Variants in LCP2 observed in about 807,000 individuals in gnomAD.
The protein encoded by LCP2 is 76 kDa tyrosine phosphoprotein.
Under a neutral mutation model 74.5 loss-of-function variants are expected in LCP2, and 29 were observed. That is an observed-to-expected ratio of 0.39 (90% CI 0.29 to 0.53). LCP2 has a LOEUF of 0.53. Among genes scored for constraint, LCP2 ranks in the 20% least tolerant of loss-of-function variants. The pLI is 0.72. For missense variants in LCP2, 604 were observed against 634.6 expected, an observed-to-expected ratio of 0.95 and a Z score of 0.52; for synonymous variants, 228 against 229.5, an observed-to-expected ratio of 0.99 and a Z score of 0.06.
rs1157836333 is a variant in LCP2, at chr5:170,256,268, G to GCA, written c.1150+257_1150+258insTG. 6.6e-6 allele frequency among the ~76,000 whole-genome samples: 1 copy of GCA among 152,068 alleles called. No homozygotes were observed. The highest frequency in any genetic ancestry group is 2.4e-5 in the African/African-American group (1 of 41,392). ...TATATGTGTACATGTGTATGCATGT[G>GCA]TGTGTGTGCATGTATATGTGCATGT... is the stretch of plus-strand genomic sequence containing the variant. On this transcript the variant is annotated intron_variant, in intron 17 of 20. Transcript: ENST00000046794. The surrounding 1 kb of genome is among the most constrained non-coding windows in gnomAD (Gnocchi z 4.5).
At chr5:170,287,689 C>T (rs1440457825) in intron 3 of LCP2, 1 of 484,070 alleles carries the variant, frequency 2.1e-6, no homozygotes, top group African/African-American at 1.9e-5. Context: ...TTTCACAGGC[C>T]CAAGCACCCC....
At position 170,247,186 on chromosome 5, in the gene LCP2, T is replaced by A. The variant is rs1761317848; in HGVS notation, c.*1511A>T. The A allele has an allele frequency of 6.6e-6, 1 of 152,188 alleles. No individual in the cohort carries two copies. Among genetic ancestry groups the A allele is most frequent in the Non-Finnish European group, 1.5e-5 (1 of 68,032 alleles). The allele number at this position is 152,188 out of a possible 1,614,324, so 9.4% of individuals were successfully genotyped here. On this transcript the variant is annotated 3_prime_UTR_variant, in exon 21 of 21. Transcript: ENST00000046794. ...TAACACAGAAGAGCCACTAAGTAAA[T>A]ACTTGCTGAATAGCCCGTTGTGTAG...
chr5:170,287,422 C>CAT, intron 3 of LCP2, among the ~76,000 whole-genome samples: 1 of 152,330 alleles, frequency 6.6e-6, no homozygotes, highest in African/African-American at 2.4e-5. Flanking sequence ...CATGGCATGA[C>CAT]ATGCATACTG....
intron 5 of LCP2, 61 bp downstream of exon 5, chr5:170,275,259 A>G: frequency 6.3e-7 from 1 of 1,588,540 alleles, no homozygotes; most frequent in Non-Finnish European, 8.6e-7. Context: ...CCAGAAAGGC[A>G]AGAAAACTGA....
At chr5:170,258,831 A>C (rs1761605560) in intron 15 of LCP2, 35 bp downstream of exon 15, 1 of 1,518,230 alleles carries the variant, frequency 6.6e-7, no homozygotes, top group Admixed American at 1.8e-5. Flanking sequence ...TGAAAGAATG[A>C]GTTATAGGCT....
At position 170,248,498 on chromosome 5, in the gene LCP2, C is replaced by T; in HGVS notation, c.*199G>A. 1 of 534,470 alleles carries T rather than the reference C, an allele frequency of 1.9e-6. No individual in the cohort carries two copies. Among genetic ancestry groups the T allele is most frequent in the Non-Finnish European group, 3.3e-6 (1 of 302,070 alleles). The allele number at this position is 534,470 out of a possible 1,614,324, so 33.1% of individuals were successfully genotyped here. On this transcript the variant is annotated 3_prime_UTR_variant, in exon 21 of 21. Transcript: ENST00000046794. ...GAACATGACTCATGCACTTTACAAA[C>T]ATTGAAGAAGAATAAATAAATTATG...
At chr5:170,266,912 C>T (rs747839341) in intron 9 of LCP2, 21 bp from the exon 10 acceptor site, 12 of 1,599,906 alleles carry the variant, frequency 7.5e-6, no homozygotes, top group Non-Finnish European at 9.4e-6. Flanking sequence ...AAAAGGCTGA[C>T]ATCAATTAAA....
At chr5:170,294,938 C>G (rs1441757132) in intron 1 of LCP2, among the ~76,000 whole-genome samples, 1 of 152,196 alleles carries the variant, frequency 6.6e-6, no homozygotes, top group Non-Finnish European at 1.5e-5. Context: ...GCTTGTGGAC[C>G]TCAAATCTGT....
At chr5:170,293,995 T>A (rs573482298) in intron 1 of LCP2, among the ~76,000 whole-genome samples, 1 of 152,332 alleles carries the variant, frequency 6.6e-6, no homozygotes, top group African/African-American at 2.4e-5. Context: ...AAGCTTTCTG[T>A]GTGGCAGGCA....
chr5:170,288,115 G>A (rs1165722391), intron 2 of LCP2, 99 bp from the exon 3 acceptor site: 8 of 1,269,926 alleles, frequency 6.3e-6, no homozygotes, highest in Admixed American at 1.8e-5. Context: ...GGGAGTGGTG[G>A]GGACTGTGGC....
At chr5:170,259,402 T>C (rs1442525378) in intron 14 of LCP2, among the ~76,000 whole-genome samples, 3 of 152,172 alleles carry the variant, frequency 2.0e-5, no homozygotes, top group Non-Finnish European at 4.4e-5. Flanking sequence ...AATAAGACCA[T>C]ATTTATACGG....
chr5:170,251,547 G>T, intron 19 of LCP2: 1 of 420,660 alleles, frequency 2.4e-6, no homozygotes, highest in Non-Finnish European at 4.9e-6. Flanking sequence ...AATTGGTAAG[G>T]ACTCCTTTAA....
intron 3 of LCP2, among the ~76,000 whole-genome samples, chr5:170,277,149 C>T (rs949940877): frequency 6.6e-6 from 1 of 151,780 alleles, no homozygotes; most frequent in Admixed American, 6.6e-5. Flanking sequence ...ACCCCTTTTC[C>T]CACAACTCAC....
chr5:170,264,978 C>CTTTTTTTTTTTT (rs58508083), intron 10 of LCP2, among the ~76,000 whole-genome samples: 5 of 108,992 alleles, frequency 4.6e-5, no homozygotes, highest in African/African-American at 2.1e-4. Context: ...CAAAATTTGC[C>CTTTTTTTTTTTT]TTTTTTTTTT....
Position 170,263,395 on chromosome 5 carries a change from T to A in LCP2, c.773-403A>T, listed in dbSNP as rs145364693. 3.9e-3 allele frequency among the ~76,000 whole-genome samples: 594 copies of A among 152,336 alleles called. 1 individual carries two copies. Among genetic ancestry groups the A allele is most frequent in the African/African-American group, 0.014 (564 of 41,570 alleles). The stretch of plus-strand genomic sequence containing the variant: ...GTTTTATTTTTATATCTGAAATAAA[T>A]CCACTTGCCACGGAGAGGGTAACTT... On this transcript the variant is annotated intron_variant, in intron 10 of 20. Transcript: ENST00000046794.
At chr5:170,289,657 C>CT (rs1561978377) in intron 2 of LCP2, among the ~76,000 whole-genome samples, 1 of 118,452 alleles carries the variant, frequency 8.4e-6, no homozygotes. Context: ...TTCTTTCTTT[C>CT]TTTCTTTCTT....
chr5:170,295,023 A>T (rs1212743764), intron 1 of LCP2, among the ~76,000 whole-genome samples: 1 of 152,078 alleles, frequency 6.6e-6, no homozygotes, highest in African/African-American at 2.4e-5. Flanking sequence ...AGTTACCTGG[A>T]TTTGTAGTAA....
intron 6 of LCP2, chr5:170,273,924 G>GGGGGGA (rs1240228071): frequency 3.0e-5 from 6 of 199,852 alleles, no homozygotes; most frequent in African/African-American, 1.2e-4. Context: ...TGGAGACGGG[G>GGGGGGA]GGGTAGTGGG....
Position 170,268,400 on chromosome 5 carries a change from G to T in LCP2, c.606C>A (p.Ala202=). 2.6e-6 allele frequency: 2 copies of T among 781,806 alleles called. No homozygotes were observed. Among genetic ancestry groups the T allele is most frequent in the Non-Finnish European group, 3.4e-6 (2 of 596,656 alleles). 48.4% of individuals were successfully genotyped at this position (781,806 alleles called of 1,614,324 possible). A position where few individuals can be genotyped will look rare whatever the true frequency, so the allele number is the denominator to read the frequency against. ...GGAGGCCTACCGAGTGATTCCGGCC[G>T]GCTGGTGGGGGCGGGAGGGCGGCCA... ...RPMAALPPPP[A]GRNHSPLPPP... is the part of the protein sequence containing the mutation. Residue 202 remains alanine (A), a synonymous_variant, in exon 8 of 21, where the codon GCC becomes GCA. Coordinates refer to ENST00000046794, the MANE Select transcript of LCP2 (RefSeq NM_005565.5).
Sources: allele counts gnomAD v4.1 joint callset (sites outside exome capture counted in the v4.1 genomes callset), GRCh38; gene constraint gnomAD v4.1.1; non-coding constraint Gnocchi (gnomAD v3.1); transcripts MANE v1.5; gene names NCBI Gene and HGNC (gene_info 2026-07-23, HGNC 2026-07-21).